Variants in UBE2D3 observed in about 807,000 individuals in gnomAD.
UBE2D3 encodes the protein ubiquitin-conjugating enzyme E2 D3.
UBE2D3 carries 2 observed loss-of-function variants against 22.8 expected under a neutral mutation model. That is an observed-to-expected ratio of 0.09 (90% CI 0.04 to 0.28). The LOEUF (loss-of-function observed/expected upper bound fraction) is 0.28. Ranked by LOEUF, UBE2D3 falls within the 10% of genes least tolerant of loss-of-function variation. UBE2D3 has a pLI of 1.00. For synonymous variants in UBE2D3, 56 were observed against 60.4 expected (o/e 0.93, Z 0.34); for missense variants, 27 against 182.5 (o/e 0.15, Z 4.91).
intron 1 of UBE2D3, among the ~76,000 whole-genome samples, chr4:102,846,205 A>C (rs1245210404): frequency 6.6e-6 from 1 of 152,196 alleles, no homozygotes; most frequent in Non-Finnish European, 1.5e-5. Context: ...CATCTCTCGC[A>C]AACAAAGACA....
chr4:102,797,821 T>C (rs1457700921), intron 7 of UBE2D3, among the ~76,000 whole-genome samples: 1 of 152,004 alleles, frequency 6.6e-6, no homozygotes, highest in Non-Finnish European at 1.5e-5. Flanking sequence ...AGTATACACA[T>C]TCTATCTATC....
chr4:102,832,089 T>G (rs564086774), upstream of UBE2D3, among the ~76,000 whole-genome samples: 1 of 152,286 alleles, frequency 6.6e-6, no homozygotes, highest in East Asian at 1.9e-4. Flanking sequence ...AGAGCACTAT[T>G]AATGTACTGA....
At position 102,813,363 on chromosome 4, in the gene UBE2D3, A is replaced by C. The variant is rs560064762; in HGVS notation, c.25-3508T>G. ...CACTATGTACAGCAATTTGTTGAAC[A>C]ATAAATGTACATTTTTAATTGTAAA... On this transcript the variant is annotated intron_variant, in intron 2 of 7. Coordinates refer to ENST00000453744, the MANE Select transcript of UBE2D3 (RefSeq NM_181891.3). Among the ~76,000 whole-genome samples, 3 of 152,334 alleles carry C rather than the reference A, an allele frequency of 2.0e-5. No individual in the cohort carries two copies. The East Asian group carries it at 5.8e-4, about 29-fold the overall frequency.
chr4:102,809,930 A>C, intron 2 of UBE2D3, 75 bp from the exon 3 acceptor site: 2 of 1,422,228 alleles, frequency 1.4e-6, no homozygotes, highest in Non-Finnish European at 2.0e-6. Flanking sequence ...CACTGCTTTC[A>C]GTTACTTTCA....
intron 7 of UBE2D3, among the ~76,000 whole-genome samples, chr4:102,798,297 T>TATATATATATATATATATATGC (rs1481588683): frequency 6.1e-5 from 9 of 146,710 alleles, no homozygotes; most frequent in Admixed American, 2.7e-4. Context: ...TATATATATA[T>TATATATATATATATATATATGC]GCACAGGAGA....
intron 1 of UBE2D3, among the ~76,000 whole-genome samples, chr4:102,834,505 T>C (rs1731286368): frequency 6.6e-6 from 1 of 151,970 alleles, no homozygotes; most frequent in African/African-American, 2.4e-5. Context: ...TCCCAGCACT[T>C]TGGGAGGTCA....
intron 2 of UBE2D3, 138 bp from the exon 3 acceptor site, chr4:102,809,993 T>C: frequency 1.2e-6 from 1 of 819,386 alleles, no homozygotes; most frequent in Non-Finnish European, 2.0e-6. Context: ...ATATATTCCA[T>C]TAGGAGAGAG....
At chr4:102,859,892 C>T (rs1447309667) in intron 1 of UBE2D3, among the ~76,000 whole-genome samples, 1 of 151,148 alleles carries the variant, frequency 6.6e-6, no homozygotes, top group Non-Finnish European at 1.5e-5. Flanking sequence ...GTCACCCAGG[C>T]TGGAGTGCAG....
chr4:102,827,721 T>C (rs187844140), upstream of UBE2D3: 3 of 866,936 alleles, frequency 3.5e-6, no homozygotes, highest in African/African-American at 8.7e-5. Context: ...TTTTCCTTCT[T>C]CTCGGAACAG....
In UBE2D3 at chr4:102,795,661, G is replaced by A. The variant is rs558184012; in HGVS notation, c.*1754C>T. On this transcript the variant is annotated 3_prime_UTR_variant, in exon 8 of 8. Coordinates refer to ENST00000453744, the MANE Select transcript of UBE2D3 (RefSeq NM_181891.3). ...CTTCCAGTTTAGAGAAGAACCTTAA[G>A]TCAATAAATCATGTCCAAACTACAT... 2 of 152,078 alleles carry A rather than the reference G, an allele frequency of 1.3e-5. No homozygotes were observed. The highest frequency in any genetic ancestry group is 4.1e-4 in the South Asian group (2 of 4,820). The allele number at this position is 152,078 out of a possible 1,614,324, so 9.4% of individuals were successfully genotyped here. A position where few individuals can be genotyped will look rare whatever the true frequency, so the allele number is the denominator to read the frequency against.
chr4:102,799,264 A>G, intron 7 of UBE2D3, 143 bp downstream of exon 7: 2 of 721,242 alleles, frequency 2.8e-6, no homozygotes, highest in Non-Finnish European at 4.5e-6. Flanking sequence ...AAGTTTTTTT[A>G]AATAACCACA....
intron 5 of UBE2D3, chr4:102,802,225 A>G (rs1452614604): frequency 5.4e-6 from 1 of 186,732 alleles, no homozygotes; most frequent in African/African-American, 2.3e-5. Flanking sequence ...TGCTGTAACA[A>G]TACGTGCAAA....
At chr4:102,831,298 G>C (rs1731103483), upstream of UBE2D3, among the ~76,000 whole-genome samples, 1 of 152,138 alleles carries the variant, frequency 6.6e-6, no homozygotes, top group African/African-American at 2.4e-5. Flanking sequence ...TAACAATTCA[G>C]AATCTCATTA....
chr4:102,825,421 T>C lies in UBE2D3; in HGVS notation c.24+1064A>G, dbSNP rs188602407. ...TAGGTAAGTTTTGAGCAGAGGATCT[T>C]AGAGCAGTGCACAACGCGATATAAA... On this transcript the variant is annotated intron_variant, in intron 2 of 7. Coordinates refer to ENST00000453744, the MANE Select transcript of UBE2D3 (RefSeq NM_181891.3). The C allele has an allele frequency of 2.7e-5, 29 of 1,093,554 alleles. No homozygotes were observed. In the Admixed American group the frequency reaches 1.2e-3, roughly 47 times the overall value. 67.7% of individuals were successfully genotyped at this position (1,093,554 alleles called of 1,614,324 possible).
At chr4:102,858,815 A>G (rs223347) in intron 1 of UBE2D3, among the ~76,000 whole-genome samples, 83,417 of 151,642 alleles carry the variant, frequency 0.55, 24,300 homozygotes, top group African/African-American at 0.71. Flanking sequence ...TAACTCATCT[A>G]TCCTCTCCCA....
At chr4:102,820,994 A>C (rs1296454448) in intron 2 of UBE2D3, among the ~76,000 whole-genome samples, 1 of 152,210 alleles carries the variant, frequency 6.6e-6, no homozygotes, top group Non-Finnish European at 1.5e-5. Flanking sequence ...CAGATGTTTC[A>C]ACAAAGTATA....
chr4:102,813,239 G>A (rs929130205), intron 2 of UBE2D3, among the ~76,000 whole-genome samples: 3 of 152,140 alleles, frequency 2.0e-5, no homozygotes, highest in African/African-American at 7.2e-5. Flanking sequence ...GCTATTCACA[G>A]GCGGAATCAC....
chr4:102,813,445 AT>A (rs1002505889), intron 2 of UBE2D3, among the ~76,000 whole-genome samples: 4 of 152,218 alleles, frequency 2.6e-5, no homozygotes, highest in Non-Finnish European at 5.9e-5. Context: ...TGACGCTAAG[AT>A]TTTTGGCCTG....
At chr4:102,862,775 AT>A (rs1288475040) in intron 1 of UBE2D3, among the ~76,000 whole-genome samples, 1 of 152,180 alleles carries the variant, frequency 6.6e-6, no homozygotes, top group African/African-American at 2.4e-5. Flanking sequence ...AGTCCAGTAC[AT>A]TTAACTTTTG....
Sources: allele counts gnomAD v4.1 joint callset (sites outside exome capture counted in the v4.1 genomes callset), GRCh38; gene constraint gnomAD v4.1.1; transcripts MANE v1.5; gene names NCBI Gene and HGNC (gene_info 2026-07-23, HGNC 2026-07-21).